The following ARHGAP39 variants were observed in gnomAD, a reference collection of about 807,000 sequenced individuals.
ARHGAP39 encodes Rho GTPase activating protein 39.
Under a neutral mutation model 106.9 loss-of-function variants are expected in ARHGAP39, and 44 were observed. The observed-to-expected ratio is 0.41, with a 90% confidence interval of 0.32 to 0.53. ARHGAP39 has a LOEUF of 0.53. ARHGAP39 is among the 20% of genes least tolerant of loss of function. The pLI, the probability that ARHGAP39 is intolerant of heterozygous loss-of-function variation, is 0.21. For synonymous variants in ARHGAP39, 768 were observed against 693.2 expected (o/e 1.11, Z -1.69); for missense variants, 1,496 against 1,577.3 (o/e 0.95, Z 0.87).
intron 1 of ARHGAP39, among the ~76,000 whole-genome samples, chr8:144,630,585 CTCT>C (rs1821035790): frequency 6.6e-6 from 1 of 152,238 alleles, no homozygotes; most frequent in African/African-American, 2.4e-5. Context: ...CTAGACTCTC[CTCT>C]TCATTTCCTA....
intron 3 of ARHGAP39, 86 bp from the exon 4 acceptor site, chr8:144,555,729 C>T (rs1212965490): frequency 8.7e-7 from 1 of 1,155,844 alleles, no homozygotes; most frequent in Non-Finnish European, 1.3e-6. Flanking sequence ...GAATGTGGCA[C>T]TGCCACCTCA....
chr8:144,543,220 C>T (rs1817270020), intron 6 of ARHGAP39, among the ~76,000 whole-genome samples: 1 of 152,140 alleles, frequency 6.6e-6, no homozygotes, highest in Non-Finnish European at 1.5e-5. Context: ...AAGGGATCCT[C>T]TTGCCTTGGC....
intron 1 of ARHGAP39, among the ~76,000 whole-genome samples, chr8:144,677,567 C>T (rs1184074949): frequency 6.6e-6 from 1 of 152,098 alleles, no homozygotes; most frequent in Non-Finnish European, 1.5e-5. Flanking sequence ...CTCCATACAG[C>T]CAAATACAGT....
upstream of ARHGAP39, among the ~76,000 whole-genome samples, chr8:144,686,934 T>TGACCACACATTTACAGTGAGCAC (rs1822609147): frequency 1.1e-4 from 2 of 18,726 alleles, no homozygotes. Context: ...GCGGCGACCA[T>TGACCACACATTTACAGTGAGCAC]TTCCCACCCC....
intron 1 of ARHGAP39, among the ~76,000 whole-genome samples, chr8:144,611,625 C>T (rs1035679644): frequency 1.3e-5 from 2 of 152,204 alleles, no homozygotes; most frequent in Admixed American, 1.3e-4. Flanking sequence ...GAAATCAGTA[C>T]ATTTGATATT....
intron 2 of ARHGAP39, chr8:144,584,074 A>T (rs971747677): frequency 3.9e-5 from 6 of 152,250 alleles, no homozygotes; most frequent in Non-Finnish European, 7.3e-5. Flanking sequence ...CTTTATTTTT[A>T]AAAGTGGCAT....
chr8:144,611,264 A>C (rs1820481096), intron 1 of ARHGAP39, among the ~76,000 whole-genome samples: 1 of 152,220 alleles, frequency 6.6e-6, no homozygotes, highest in African/African-American at 2.4e-5. Flanking sequence ...GAATTTGTTC[A>C]AGTTTATTGA....
At chr8:144,633,822 C>T (rs1029003909) in intron 1 of ARHGAP39, among the ~76,000 whole-genome samples, 5 of 152,182 alleles carry the variant, frequency 3.3e-5, no homozygotes, top group African/African-American at 9.7e-5. Flanking sequence ...GACTACAGCG[C>T]GTACCACCAT....
chr8:144,602,939 G>T (rs1820109118), intron 2 of ARHGAP39, among the ~76,000 whole-genome samples: 1 of 132,744 alleles, frequency 7.5e-6, no homozygotes, highest in Admixed American at 7.7e-5. Flanking sequence ...GTGTGCTCGT[G>T]TACCTGTGTG....
At chr8:144,544,566 C>T (rs923000805) in intron 6 of ARHGAP39, among the ~76,000 whole-genome samples, 32 of 152,248 alleles carry the variant, frequency 2.1e-4, no homozygotes, top group African/African-American at 7.5e-4. Flanking sequence ...AGGTGGAGAG[C>T]TGCTTGCTGC....
At chr8:144,619,845 CGA>C (rs1820745477) in intron 1 of ARHGAP39, among the ~76,000 whole-genome samples, 1 of 118,456 alleles carries the variant, frequency 8.4e-6, no homozygotes, top group Non-Finnish European at 1.7e-5. Flanking sequence ...TGCCCATGTG[CGA>C]GCTTGTGTGT....
chr8:144,553,704 G>A lies in ARHGAP39; in HGVS notation c.596+1856C>T, dbSNP rs528023429. ...TGAGGAGGTGGCCAAGCTGCCTGGTGTGGAGCAGCCCCCAACCAGGTCACT... is the reference window on the plus strand; with the variant it reads ...TGAGGAGGTGGCCAAGCTGCCTGGTATGGAGCAGCCCCCAACCAGGTCACT... On this transcript the variant is annotated intron_variant, in intron 4 of 11. Transcript: ENST00000377307. Among the ~76,000 whole-genome samples, 41 of 152,380 alleles carry A rather than the reference G, an allele frequency of 2.7e-4. 1 individual carries two copies. The highest frequency in any genetic ancestry group is 9.6e-4 in the African/African-American group (40 of 41,602).
chr8:144,686,390 C>A (rs187885892), upstream of ARHGAP39, among the ~76,000 whole-genome samples: 1 of 152,230 alleles, frequency 6.6e-6, no homozygotes, highest in Admixed American at 6.5e-5. Context: ...TTCTAATCTG[C>A]GTTCAGCCTG....
At chr8:144,683,828 G>A (rs1287132181) in intron 1 of ARHGAP39, among the ~76,000 whole-genome samples, 1 of 151,224 alleles carries the variant, frequency 6.6e-6, no homozygotes, top group East Asian at 1.9e-4. Context: ...CATTACATTG[G>A]CAGTGCTGGA....
chr8:144,593,766 C>T (rs896167283), intron 2 of ARHGAP39, among the ~76,000 whole-genome samples: 4 of 151,912 alleles, frequency 2.6e-5, no homozygotes, highest in Admixed American at 2.0e-4. Context: ...CTCCCGTCTG[C>T]GCAACAGAGT....
In ARHGAP39 at chr8:144,647,936, G is replaced by A. The variant is rs1188212024; in HGVS notation, c.-82+37750C>T. Among the ~76,000 whole-genome samples, 2 of 152,226 alleles carry A rather than the reference G, an allele frequency of 1.3e-5. No homozygotes were observed. Among genetic ancestry groups the A allele is most frequent in the East Asian group, 3.8e-4 (2 of 5,204 alleles). ...ACCAGAGACAAAAGACTGGAGGGCT[G>A]AAAACATGTATAAATTCCTGGTACA... On this transcript the variant is annotated intron_variant, in intron 1 of 11. Coordinates refer to ENST00000377307, the MANE Select transcript of ARHGAP39 (RefSeq NM_025251.3). This position sits in a 1 kb window ranked among gnomAD's most constrained non-coding sequence, Gnocchi z 4.8.
intron 1 of ARHGAP39, among the ~76,000 whole-genome samples, chr8:144,633,988 A>G (rs1821127676): frequency 6.6e-6 from 1 of 152,268 alleles, no homozygotes. Flanking sequence ...CTTCTTACCC[A>G]ATTAACGGGA....
In ARHGAP39 at chr8:144,548,874, G is replaced by A. The variant is rs1457510684; in HGVS notation, c.597-385C>T. Among the ~76,000 whole-genome samples the A allele has an allele frequency of 2.0e-5, 3 of 152,200 alleles. No homozygotes were observed. The highest frequency in any genetic ancestry group is 6.5e-5 in the Admixed American group (1 of 15,282). ...CCCTGTGTTCCTGCTGAGCAGTGGC[G>A]TTGGACCCGTCCCAGTGGTCCAGGT... On this transcript the variant is annotated intron_variant, in intron 4 of 11. Coordinates refer to ENST00000377307, the MANE Select transcript of ARHGAP39 (RefSeq NM_025251.3). This position sits in a 1 kb window ranked among gnomAD's most constrained non-coding sequence, Gnocchi z 7.4.
intron 11 of ARHGAP39, 43 bp from the exon 12 acceptor site, chr8:144,530,659 G>C: frequency 6.6e-7 from 1 of 1,515,254 alleles, no homozygotes. Flanking sequence ...CGGGGGCGGG[G>C]CGGGGAGGGG....
Sources: gnomAD v4.1 joint callset for allele counts (sites outside exome capture counted in the v4.1 genomes callset) on GRCh38, gnomAD v4.1.1 for gene constraint, Gnocchi (gnomAD v3.1) non-coding constraint, MANE v1.5 for transcripts, NCBI Gene and HGNC (gene_info 2026-07-23, HGNC 2026-07-21) for gene names.